The following FAT3 variants were observed in gnomAD, a reference collection of about 807,000 sequenced individuals.
FAT3 encodes protocadherin Fat 3.
Under a neutral mutation model 310.2 loss-of-function variants are expected in FAT3, and 95 were observed. The observed-to-expected ratio is 0.31, with a 90% CI of 0.26 to 0.36. FAT3 has a LOEUF of 0.36. FAT3 is among the 10% of genes least tolerant of loss of function. FAT3 has a pLI of 1.00. For missense variants in FAT3, 5,408 were observed against 5,715.6 expected, an observed-to-expected ratio of 0.95 and a Z score of 1.74; for synonymous variants, 2,314 against 2,192.9, an observed-to-expected ratio of 1.06 and a Z score of -1.54.
intron 2 of FAT3, among the ~76,000 whole-genome samples, chr11:92,460,031 G>A (rs1951594895): frequency 6.6e-6 from 1 of 151,986 alleles, no homozygotes; most frequent in Admixed American, 6.6e-5. Context: ...TTGCTGCCAG[G>A]GACCTATTTA....
intron 1 of FAT3, among the ~76,000 whole-genome samples, chr11:92,259,492 T>G (rs1355098673): frequency 2.6e-5 from 4 of 151,368 alleles, no homozygotes; most frequent in Admixed American, 1.3e-4. Context: ...TGGATTGAAA[T>G]TTCCAAAAAA....
At chr11:92,355,993 T>C (rs1022318589) in intron 2 of FAT3, among the ~76,000 whole-genome samples, 47 of 152,354 alleles carry the variant, frequency 3.1e-4, no homozygotes, top group South Asian at 4.1e-4. Context: ...AGTCTTGCTA[T>C]GAATTTTATT....
intron 3 of FAT3, among the ~76,000 whole-genome samples, chr11:92,616,748 T>C (rs1940831347): frequency 6.6e-6 from 1 of 152,324 alleles, no homozygotes; most frequent in African/African-American, 2.4e-5. Flanking sequence ...TTATTTTGGC[T>C]GGATATGAAA....
At chr11:92,283,975 C>G (rs536761794) in intron 1 of FAT3, among the ~76,000 whole-genome samples, 5 of 152,074 alleles carry the variant, frequency 3.3e-5, no homozygotes, top group Admixed American at 6.5e-5. Context: ...AATCTCTTAT[C>G]TTTTTGTATT....
intron 2 of FAT3, among the ~76,000 whole-genome samples, chr11:92,412,730 T>TATATATACATACAC (rs1555038572): frequency 4.4e-5 from 1 of 22,884 alleles, no homozygotes; most frequent in African/African-American, 9.6e-5. Context: ...TATATATATA[T>TATATATACATACAC]ATATATATAT....
At chr11:92,268,611 A>C (rs1387001677) in intron 1 of FAT3, among the ~76,000 whole-genome samples, 6 of 152,078 alleles carry the variant, frequency 3.9e-5, no homozygotes, top group Admixed American at 6.6e-5. Flanking sequence ...GAGACACATC[A>C]CTAACTTAAT....
chr11:92,409,133 T>A (rs1418209026), intron 2 of FAT3, among the ~76,000 whole-genome samples: 2 of 152,176 alleles, frequency 1.3e-5, no homozygotes, highest in African/African-American at 4.8e-5. Flanking sequence ...AAAATTAAGT[T>A]CCTCTAGCCA....
intron 6 of FAT3, among the ~76,000 whole-genome samples, chr11:92,768,477 C>A (rs1029717768): frequency 1.3e-5 from 2 of 152,156 alleles, no homozygotes; most frequent in Non-Finnish European, 2.9e-5. Context: ...CTTTCTAATC[C>A]ATCAGAGTCA....
intron 7 of FAT3, among the ~76,000 whole-genome samples, chr11:92,778,692 T>A (rs371969296): frequency 2.0e-5 from 3 of 152,144 alleles, no homozygotes; most frequent in Non-Finnish European, 4.4e-5. Context: ...ATAAACTAAC[T>A]CCTTAACACT....
In FAT3 at chr11:92,415,888, C is replaced by A. The variant is rs1176508569; in HGVS notation, c.3292+60484C>A. Among the ~76,000 whole-genome samples the A allele has an allele frequency of 1.4e-4, 14 of 101,954 alleles. No individual in the cohort carries two copies. The Admixed American group carries it at 2.0e-3, about 15-fold the overall frequency. The allele number at this position is 101,954 out of a possible 152,430, so 66.9% of individuals were successfully genotyped here. ...TTTTTTTTTTTAAGAGATTAGGTGT[C>A]TGTGTAGCCTAGGCTGACCTCAAAC... is the stretch of plus-strand genomic sequence containing the variant. On this transcript the variant is annotated intron_variant, in intron 2 of 27. Coordinates refer to ENST00000525166, the MANE Select transcript of FAT3 (RefSeq NM_001367949.2).
At position 92,606,471 on chromosome 11, in the gene FAT3, G is replaced by C. The variant is rs970247734; in HGVS notation, c.3607+81523G>C. 2.6e-5 allele frequency among the ~76,000 whole-genome samples: 4 copies of C among 152,290 alleles called. No homozygotes were observed. In the South Asian group the frequency reaches 6.2e-4, roughly 24 times the overall value. ...GCCTGCAGCTCAGGCATGCTGGAGA[G>C]GTGGGCTGCTTTGGGGCTGCTTCTG... On this transcript the variant is annotated intron_variant, in intron 3 of 27. Transcript: ENST00000525166.
intron 3 of FAT3, among the ~76,000 whole-genome samples, chr11:92,582,388 T>G (rs1374843658): frequency 6.6e-6 from 1 of 152,038 alleles, no homozygotes; most frequent in Admixed American, 6.6e-5. Flanking sequence ...CACTGCTAGA[T>G]AAAATATAGG....
chr11:92,752,816 T>C (rs1473787692), intron 4 of FAT3, among the ~76,000 whole-genome samples: 2 of 152,156 alleles, frequency 1.3e-5, no homozygotes, highest in South Asian at 2.1e-4. Context: ...TTTGCACAGT[T>C]CTGAGTAAGT....
intron 1 of FAT3, among the ~76,000 whole-genome samples, chr11:92,242,695 G>A (rs1175101677): frequency 6.6e-6 from 1 of 151,978 alleles, no homozygotes; most frequent in African/African-American, 2.4e-5. Context: ...GTTCATACAT[G>A]AAAGTGTGTT....
chr11:92,744,530 C>T (rs1945598521), intron 4 of FAT3, among the ~76,000 whole-genome samples: 1 of 152,084 alleles, frequency 6.6e-6, no homozygotes, highest in Non-Finnish European at 1.5e-5. Context: ...TGCAGTGTTC[C>T]CCATTTATAT....
intron 4 of FAT3, among the ~76,000 whole-genome samples, chr11:92,715,453 G>A (rs1000825743): frequency 1.3e-5 from 2 of 151,642 alleles, no homozygotes; most frequent in South Asian, 2.1e-4. Flanking sequence ...ATTAATTAAT[G>A]TTAAATTGAT....
chr11:92,304,673 T>A (rs2134434988), intron 1 of FAT3, among the ~76,000 whole-genome samples: 1 of 152,206 alleles, frequency 6.6e-6, no homozygotes, highest in South Asian at 2.1e-4. Flanking sequence ...CTTTGATGTG[T>A]GAAAGTTAAG....
intron 1 of FAT3, among the ~76,000 whole-genome samples, chr11:92,268,805 AC>A (rs1946037813): frequency 6.6e-6 from 1 of 152,176 alleles, no homozygotes; most frequent in Non-Finnish European, 1.5e-5. Context: ...TACAAAACAT[AC>A]CCCTTGGTAA....
intron 1 of FAT3, among the ~76,000 whole-genome samples, chr11:92,313,248 A>T (rs538870590): frequency 6.6e-6 from 1 of 152,250 alleles, no homozygotes; most frequent in African/African-American, 2.4e-5. Flanking sequence ...GAAAACCAAA[A>T]ATGCACCCAT....
Sources: gnomAD v4.1 joint callset for allele counts (sites outside exome capture counted in the v4.1 genomes callset) on GRCh38, gnomAD v4.1.1 for gene constraint, MANE v1.5 for transcripts, NCBI Gene and HGNC (gene_info 2026-07-23, HGNC 2026-07-21) for gene names.